ACADVL: variants seen among roughly 807,000 people sequenced by gnomAD.
ACADVL encodes very long-chain acyl-CoA dehydrogenase, mitochondrial.
In ACADVL, 73 loss-of-function variants were observed where a neutral mutation model predicts 80.4. That is an observed-to-expected ratio of 0.91 (90% confidence interval 0.75 to 1.10). ACADVL has a LOEUF of 1.10. ACADVL is among the 50% of genes least tolerant of loss of function. The probability of loss-of-function intolerance (pLI) is 0.00; values close to 1 mark genes in which losing one functional copy is unlikely to be tolerated. For missense variants in ACADVL, 878 were observed against 858.9 expected, an observed-to-expected ratio of 1.02 and a Z score of -0.28; for synonymous variants, 392 against 326.5, an observed-to-expected ratio of 1.20 and a Z score of -2.16.
chr17:7,218,915 T>C, upstream of ACADVL: 1 of 1,571,316 alleles, frequency 6.4e-7, no homozygotes, highest in African/African-American at 1.3e-5. Context: ...TTCTCCCCAC[T>C]AAATTCCAGC....
intron 6 of ACADVL, 62 bp from the exon 7 acceptor site, chr17:7,221,476 T>A (rs750379778): frequency 5.6e-6 from 9 of 1,612,196 alleles, no homozygotes; most frequent in Non-Finnish European, 6.8e-6. Context: ...GCCCACACTC[T>A]CCTGTTAAGG....
At position 7,224,882 on chromosome 17, in the gene ACADVL, G is replaced by C. The variant is rs398123086; in HGVS notation, c.1825G>C (p.Glu609Gln). 2 of 1,614,020 alleles carry C rather than the reference G, an allele frequency of 1.2e-6. No homozygotes were observed. ...AATGCTCTGTGACACCTGGTGTATC[G>C]AGGTGAGACTCGGGGCTGCCAAGCT... ...EKMLCDTWCI[E>Q]AAARIREGMA... Residue 609 changes from glutamate (E) to glutamine (Q), a missense_variant and splice_region_variant, in exon 19 of 20, where the codon GAG becomes CAG. Glu to Gln is a conservative substitution (Grantham distance 29, BLOSUM62 2). Transcript: ENST00000356839.
At chr17:7,222,549 C>A (rs1418271414) in intron 9 of ACADVL, 118 bp from the exon 10 acceptor site, 1 of 1,221,330 alleles carries the variant, frequency 8.2e-7, no homozygotes. Flanking sequence ...GTGGCTGTAG[C>A]CTCTAATAGT....
chr17:7,220,353 C>A, intron 2 of ACADVL, 111 bp from the exon 3 acceptor site: 1 of 1,571,810 alleles, frequency 6.4e-7, no homozygotes, highest in Non-Finnish European at 8.7e-7. Context: ...TAGGGCGAAA[C>A]TAGGGGAAAG....
At chr17:7,223,099 T>C in intron 10 of ACADVL, 34 bp from the exon 11 acceptor site, 1 of 1,583,808 alleles carries the variant, frequency 6.3e-7, no homozygotes, top group Non-Finnish European at 8.7e-7. Context: ...AGAACCACAC[T>C]GAACCACAGC....
rs1438741226 is a variant in ACADVL, at chr17:7,224,721, A to T, written c.1751+7A>T. 5.0e-6 allele frequency: 8 copies of T among 1,600,984 alleles called. No homozygotes were observed. Among genetic ancestry groups the T allele is most frequent in the Non-Finnish European group, 6.8e-6 (8 of 1,175,284 alleles). On this transcript the variant is annotated splice_region_variant and intron_variant, in intron 18 of 19. Coordinates refer to ENST00000356839, the MANE Select transcript of ACADVL (RefSeq NM_000018.4). ...TGGTGGTGGTTCTCTCGAGGTGAGGAGGCAGGCAGGGAATGCCTGAGCCGC... is the reference window on the plus strand; with the variant it reads ...TGGTGGTGGTTCTCTCGAGGTGAGGTGGCAGGCAGGGAATGCCTGAGCCGC...
intron 7 of ACADVL, 125 bp downstream of exon 7, chr17:7,221,807 TCA>T: frequency 5.0e-6 from 8 of 1,587,996 alleles, no homozygotes; most frequent in Non-Finnish European, 6.0e-6. Flanking sequence ...TGGGGAGGCA[TCA>T]CAGTGTGCTG....
At chr17:7,218,764 GA>G, upstream of ACADVL, 1 of 1,598,166 alleles carries the variant, frequency 6.3e-7, no homozygotes, top group Non-Finnish European at 8.6e-7. Flanking sequence ...TGGGGAGAAG[GA>G]TCTCCGAGCC....
chr17:7,223,254 C>A lies in ACADVL; in HGVS notation c.1182+17C>A, dbSNP rs191276923. 168 of 1,598,342 alleles carry A rather than the reference C, an allele frequency of 1.1e-4. No individual in the cohort carries two copies. Among genetic ancestry groups the A allele is most frequent in the Non-Finnish European group, 1.4e-4 (159 of 1,165,758 alleles). On this transcript the variant is annotated intron_variant, in intron 11 of 19. Coordinates refer to ENST00000356839, the MANE Select transcript of ACADVL (RefSeq NM_000018.4). ...GTAACTGAGGTGAGGGCCTCCCAAGCCCCTCTCCCTGGAGCCCTGGGGCTT... is the reference window on the plus strand; with the variant it reads ...GTAACTGAGGTGAGGGCCTCCCAAGACCCTCTCCCTGGAGCCCTGGGGCTT...
intron 6 of ACADVL, 109 bp from the exon 7 acceptor site, chr17:7,221,428 TA>T: frequency 8.1e-6 from 2 of 248,334 alleles, no homozygotes; most frequent in South Asian, 1.1e-4. Context: ...GGCACTGCCC[TA>T]GGTCAGGAAC....
At position 7,221,932 on chromosome 17, in the gene ACADVL, AGTAGCTCTCTCCCCAAC is replaced by A. The variant is rs775203527; in HGVS notation, c.623-19_623-3del. Reference sequence around the variant, plus strand: ...TGAAGCTCATCAGAACTTGGGGTAAAGTAGCTCTCTCCCCAACAGGGGAGACTGTGGCCGCTTTCTGT... The same window carrying A: ...TGAAGCTCATCAGAACTTGGGGTAAAAGGGGAGACTGTGGCCGCTTTCTGT... On this transcript the variant is annotated splice_polypyrimidine_tract_variant and splice_region_variant and intron_variant, in intron 7 of 19. Coordinates refer to ENST00000356839, the MANE Select transcript of ACADVL (RefSeq NM_000018.4). 9 of 1,613,884 alleles carry A rather than the reference AGTAGCTCTCTCCCCAAC, an allele frequency of 5.6e-6. No homozygotes were observed. The highest frequency in any genetic ancestry group is 7.6e-6 in the Non-Finnish European group (9 of 1,180,004).
chr17:7,224,043 C>T lies in ACADVL; in HGVS notation c.1408C>T (p.Leu470=), dbSNP rs1335872701. The T allele has an allele frequency of 6.2e-7, 1 of 1,614,034 alleles. No individual in the cohort carries two copies. The highest frequency in any genetic ancestry group is 1.3e-5 in the African/African-American group (1 of 74,902). Residue 470 remains leucine, a synonymous_variant, in exon 14 of 20, where the codon CTG becomes TTG. Transcript: ENST00000356839. The part of the protein sequence containing the change: ...IFEGTNDILR[L]FVALQGCMDK... ...TGAGGGGACAAATGACATTCTTCGG[C>T]TGTTTGTGGCTCTGCAGGGCTGTAT... is the stretch of plus-strand genomic sequence containing the variant.
At chr17:7,217,375 AG>A, upstream of ACADVL, 1 of 76,256 alleles carries the variant, frequency 1.3e-5, no homozygotes, top group Non-Finnish European at 2.0e-5. Context: ...AGTGGAGGGG[AG>A]GGGGCTTGGG....
upstream of ACADVL, chr17:7,218,596 C>A: frequency 6.4e-7 from 1 of 1,566,652 alleles, no homozygotes; most frequent in South Asian, 1.2e-5. Flanking sequence ...GGGGTGCCCA[C>A]CGCAGCAGTG....
chr17:7,218,098 CG>C, upstream of ACADVL: 2 of 750,188 alleles, frequency 2.7e-6, no homozygotes, highest in South Asian at 3.6e-5. Context: ...AGTGCATTCT[CG>C]GTGCCCCAAG....
In ACADVL at chr17:7,219,992, C is replaced by T. The variant is rs780877125; in HGVS notation, c.8C>T (p.Ala3Val). MQ[A>V]ARMAASLGRQ... ...GCCCGGAGAGATTCGGAGATGCAGG[C>T]GGCTCGGATGGCCGCGAGCTTGGGG... Residue 3 changes from alanine (A) to valine (V), a missense_variant, in exon 1 of 20, where the codon GCG (alanine) becomes GTG (valine). Ala to Val is a moderately conservative substitution (Grantham distance 64). Coordinates refer to ENST00000356839, the MANE Select transcript of ACADVL (RefSeq NM_000018.4). The T allele has an allele frequency of 1.2e-5, 20 of 1,603,066 alleles. 2 individuals are homozygous for T. The South Asian group carries it at 2.1e-4, about 17-fold the overall frequency.
intron 11 of ACADVL, 36 bp from the exon 12 acceptor site, chr17:7,223,608 A>C (rs1198174656): frequency 1.9e-6 from 3 of 1,611,982 alleles, no homozygotes; most frequent in African/African-American, 1.3e-5. Context: ...AGCCCTTTGC[A>C]ATTTTCCTTC....
In ACADVL at chr17:7,224,773, G is replaced by C. The variant is rs200709964; in HGVS notation, c.1752-36G>C. The C allele has an allele frequency of 1.9e-6, 3 of 1,613,702 alleles. No individual in the cohort carries two copies. In the Admixed American group the frequency reaches 5.0e-5, roughly 27 times the overall value. On this transcript the variant is annotated intron_variant, in intron 18 of 19. Coordinates refer to ENST00000356839, the MANE Select transcript of ACADVL (RefSeq NM_000018.4). ...GGGGGCCTGGGCCTGGATCCCAGCC[G>C]GCCCAGATTTATTTTCATCTCCTGC...
At chr17:7,222,463 TG>T in intron 9 of ACADVL, 161 bp downstream of exon 9, 1 of 1,268,150 alleles carries the variant, frequency 7.9e-7, no homozygotes, top group East Asian at 2.5e-5. Context: ...GCTAAAGTTT[TG>T]GCTCCAGCAA....
Sources: allele counts gnomAD v4.1 joint callset, GRCh38; gene constraint gnomAD v4.1.1; transcripts MANE v1.5; gene names NCBI Gene and HGNC (gene_info 2026-07-23, HGNC 2026-07-21).